RFTN2: variants seen among roughly 807,000 people sequenced by gnomAD.
The protein encoded by RFTN2 is raftlin family member 2.
A neutral mutation model predicts 52.7 loss-of-function variants in RFTN2; 34 were observed. The ratio of observed to expected loss-of-function variants is 0.64; its 90% confidence interval spans 0.49 to 0.86. The LOEUF (loss-of-function observed/expected upper bound fraction) is 0.86, where lower values mean the gene tolerates loss of function less well. Among genes scored for constraint, RFTN2 ranks in the 40% least tolerant of loss-of-function variants. The probability of loss-of-function intolerance (pLI) is 0.00; values close to 1 mark genes in which losing one functional copy is unlikely to be tolerated. For synonymous variants in RFTN2, 203 were observed against 217.7 expected, an observed-to-expected ratio of 0.93 and a Z score of 0.59; for missense variants, 536 against 600.1, an observed-to-expected ratio of 0.89 and a Z score of 1.12.
intron 1 of RFTN2, among the ~76,000 whole-genome samples, chr2:197,655,300 C>T (rs925289433): frequency 2.0e-5 from 3 of 152,132 alleles, no homozygotes; most frequent in Non-Finnish European, 4.4e-5. Flanking sequence ...AAAAATTTTG[C>T]ATCATTGGAA....
chr2:197,629,366 G>C (rs964543860), intron 5 of RFTN2, among the ~76,000 whole-genome samples: 1 of 151,956 alleles, frequency 6.6e-6, no homozygotes, highest in Non-Finnish European at 1.5e-5. Context: ...AACACCACAT[G>C]TTCTCACTCA....
chr2:197,583,308 T>C (rs763293435), intron 8 of RFTN2, among the ~76,000 whole-genome samples: 47 of 152,154 alleles, frequency 3.1e-4, no homozygotes, highest in Non-Finnish European at 5.9e-4. Context: ...CTAAAATACC[T>C]CTTGGTCTGG....
At chr2:197,636,153 A>G (rs1296439147) in intron 3 of RFTN2, among the ~76,000 whole-genome samples, 12 of 151,910 alleles carry the variant, frequency 7.9e-5, no homozygotes, top group African/African-American at 1.4e-4. Flanking sequence ...CTTGTAGTAT[A>G]GTTTGAAGTC....
Position 197,633,747 on chromosome 2 carries a change from G to C in RFTN2, c.689C>G (p.Pro230Arg). 6.2e-7 allele frequency: 1 copy of C among 1,613,518 alleles called. No homozygotes were observed. Among genetic ancestry groups the C allele is most frequent in the Non-Finnish European group, 8.5e-7 (1 of 1,179,628 alleles). The stretch of plus-strand genomic sequence containing the variant: ...TCCCTTTCTTGATTTAGAGGAAGTA[G>C]GGCTGCCATTTTGTTCCATTTGATA... Reference protein sequence around the residue: ...GQYQMEQNGSPTSSKSRKGEA... With the variant: ...GQYQMEQNGSRTSSKSRKGEA... Residue 230 changes from proline (P) to arginine (R), a missense_variant, in exon 4 of 9, where the codon CCT becomes CGT. Coordinates refer to ENST00000295049, the MANE Select transcript of RFTN2 (RefSeq NM_144629.3).
intron 5 of RFTN2, among the ~76,000 whole-genome samples, chr2:197,628,448 G>T (rs1016915414): frequency 3.3e-5 from 5 of 152,194 alleles, no homozygotes; most frequent in Non-Finnish European, 7.3e-5. Flanking sequence ...ACAGAGCCTG[G>T]CTGGCAACTG....
At chr2:197,632,813 A>G (rs2088488457) in intron 4 of RFTN2, among the ~76,000 whole-genome samples, 1 of 152,200 alleles carries the variant, frequency 6.6e-6, no homozygotes, top group Non-Finnish European at 1.5e-5. Flanking sequence ...ATCAAAACAT[A>G]ACCCAGAAAG....
intron 7 of RFTN2, among the ~76,000 whole-genome samples, chr2:197,597,199 GGA>G (rs2087805499): frequency 6.6e-6 from 1 of 152,148 alleles, no homozygotes; most frequent in African/African-American, 2.4e-5. Flanking sequence ...AGTGATAACA[GGA>G]GACTGCTTCT....
chr2:197,673,651 T>C (rs752079457), intron 1 of RFTN2, among the ~76,000 whole-genome samples: 2 of 152,184 alleles, frequency 1.3e-5, no homozygotes, highest in Non-Finnish European at 2.9e-5. Context: ...GTAGAAATTA[T>C]ACTCCTTTCA....
At chr2:197,599,628 T>C (rs986185216) in intron 7 of RFTN2, among the ~76,000 whole-genome samples, 2 of 152,142 alleles carry the variant, frequency 1.3e-5, no homozygotes, top group African/African-American at 4.8e-5. Flanking sequence ...TGCTCGATCC[T>C]GGGTTGAGAA....
At chr2:197,662,231 T>C (rs1307366930) in intron 1 of RFTN2, among the ~76,000 whole-genome samples, 1 of 152,174 alleles carries the variant, frequency 6.6e-6, no homozygotes, top group African/African-American at 2.4e-5. Flanking sequence ...GTGTTTTTCT[T>C]ACATTTTTAT....
chr2:197,663,302 C>CT (rs2089004645), intron 1 of RFTN2, among the ~76,000 whole-genome samples: 2 of 152,126 alleles, frequency 1.3e-5, no homozygotes, highest in Admixed American at 6.6e-5. Context: ...CTGTAGTTTT[C>CT]TTTTTTTGTT....
intron 8 of RFTN2, among the ~76,000 whole-genome samples, chr2:197,592,924 A>C (rs1052956560): frequency 6.6e-6 from 1 of 152,236 alleles, no homozygotes; most frequent in African/African-American, 2.4e-5. Context: ...TTCCTTAAGT[A>C]AAAACTGAAT....
At chr2:197,627,565 A>G (rs929297008) in intron 5 of RFTN2, among the ~76,000 whole-genome samples, 80 of 152,296 alleles carry the variant, frequency 5.3e-4, no homozygotes, top group African/African-American at 1.7e-3. Context: ...CCACACAAAC[A>G]TTTTTATAGG....
At chr2:197,666,478 C>T (rs139925601) in intron 1 of RFTN2, among the ~76,000 whole-genome samples, 4 of 152,328 alleles carry the variant, frequency 2.6e-5, no homozygotes, top group African/African-American at 9.6e-5. Flanking sequence ...CTCTCCTGGC[C>T]TGTAAAGTTT....
At chr2:197,578,379 C>CT (rs1356282703) in intron 8 of RFTN2, among the ~76,000 whole-genome samples, 1 of 148,154 alleles carries the variant, frequency 6.7e-6, no homozygotes. Context: ...CCAACACACA[C>CT]TTTTTTTCTT....
At chr2:197,665,171 G>A (rs1427468850) in intron 1 of RFTN2, among the ~76,000 whole-genome samples, 1 of 152,114 alleles carries the variant, frequency 6.6e-6, no homozygotes, top group Non-Finnish European at 1.5e-5. Context: ...ATTTTAAAAA[G>A]TTACTAATCA....
intron 8 of RFTN2, among the ~76,000 whole-genome samples, chr2:197,587,171 T>G (rs2087614402): frequency 6.6e-6 from 1 of 151,996 alleles, no homozygotes; most frequent in African/African-American, 2.4e-5. Flanking sequence ...ATATTGCCCC[T>G]TACCACAAAA....
At chr2:197,623,077 A>G (rs1218756251) in intron 5 of RFTN2, among the ~76,000 whole-genome samples, 1 of 152,244 alleles carries the variant, frequency 6.6e-6, no homozygotes, top group Non-Finnish European at 1.5e-5. Context: ...TCAAGGAGCC[A>G]TTTTGACTTT....
rs746950791 is a variant in RFTN2 at position 197,633,881 on chromosome 2, A to G, written c.555T>C (p.His185=). ...AGTTTTCATCTGAACCGTGTCTCACATGTAGCATCGATTCTATATCTCCAT... is the reference window on the plus strand; with the variant it reads ...AGTTTTCATCTGAACCGTGTCTCACGTGTAGCATCGATTCTATATCTCCAT... ...NHDGDIESML[H]VRHGSDENCR... is the part of the protein sequence containing the mutation. The change falls in exon 4 of 9, where the codon CAT becomes CAC. Residue 185 remains histidine (H), a synonymous_variant. Transcript: ENST00000295049. The G allele has an allele frequency of 5.6e-6, 9 of 1,613,852 alleles. No individual in the cohort carries two copies. The African/African-American group carries it at 9.3e-5, about 17-fold the overall frequency.
Sources: allele counts gnomAD v4.1 joint callset (sites outside exome capture counted in the v4.1 genomes callset), GRCh38; gene constraint gnomAD v4.1.1; transcripts MANE v1.5; gene names NCBI Gene and HGNC (gene_info 2026-07-23, HGNC 2026-07-21).